Variants in VPS13B observed in about 807,000 individuals in gnomAD.
The protein encoded by VPS13B is vacuolar protein sorting 13 homolog B, also known as intermembrane lipid transfer protein VPS13B.
A neutral mutation model predicts 426.4 loss-of-function variants in VPS13B; 285 were observed. The observed-to-expected ratio is 0.67, with a 90% confidence interval of 0.61 to 0.74. VPS13B has a LOEUF of 0.74. Ranked by LOEUF, VPS13B falls within the 30% of genes least tolerant of loss-of-function variation. The pLI is 0.00. For missense variants in VPS13B, 4,537 were observed against 4,782.6 expected (o/e 0.95, Z 1.51); for synonymous variants, 1,676 against 1,676.4 (o/e 1.00, Z 0.01).
At chr8:99,383,095 A>G (rs1813911962) in intron 19 of VPS13B, among the ~76,000 whole-genome samples, 1 of 152,218 alleles carries the variant, frequency 6.6e-6, no homozygotes, top group Non-Finnish European at 1.5e-5. Flanking sequence ...CCGCACATAA[A>G]TTGAGAATTG....
chr8:99,190,557 C>T (rs529154804), intron 16 of VPS13B, among the ~76,000 whole-genome samples: 1 of 152,162 alleles, frequency 6.6e-6, no homozygotes, highest in South Asian at 2.1e-4. Flanking sequence ...ACTCTGTCTA[C>T]ACTATTGCCT....
intron 28 of VPS13B, chr8:99,507,898 G>C: frequency 1.2e-6 from 2 of 1,613,958 alleles, no homozygotes; most frequent in Non-Finnish European, 1.7e-6. Flanking sequence ...AATTGCTCTG[G>C]CTTCTTTCCT....
chr8:99,706,371 T>C (rs1454508667), intron 36 of VPS13B, among the ~76,000 whole-genome samples: 1 of 152,216 alleles, frequency 6.6e-6, no homozygotes, highest in East Asian at 1.9e-4. Context: ...TACCGTGTGT[T>C]ACACATCCCT....
intron 34 of VPS13B, among the ~76,000 whole-genome samples, chr8:99,651,214 CA>C (rs1197969787): frequency 6.6e-6 from 1 of 151,994 alleles, no homozygotes; most frequent in Non-Finnish European, 1.5e-5. Flanking sequence ...ATCTGTTTTA[CA>C]AAGCTAAAGC....
chr8:99,241,027 C>T (rs1816908126), intron 17 of VPS13B: 1 of 152,188 alleles, frequency 6.6e-6, no homozygotes, highest in Admixed American at 6.5e-5. Flanking sequence ...GGCAGTGCTG[C>T]AAATAAGGAA....
chr8:99,076,251 G>T (rs927894178), intron 3 of VPS13B, among the ~76,000 whole-genome samples: 4 of 152,138 alleles, frequency 2.6e-5, no homozygotes, highest in Non-Finnish European at 5.9e-5. Flanking sequence ...TTAAAAATTT[G>T]CTGAGACTTA....
chr8:99,723,514 T>C (rs1833211666), intron 39 of VPS13B, among the ~76,000 whole-genome samples: 1 of 152,108 alleles, frequency 6.6e-6, no homozygotes, highest in South Asian at 2.1e-4. Flanking sequence ...ACACTTCTGG[T>C]CCCTAGCATT....
intron 19 of VPS13B, among the ~76,000 whole-genome samples, chr8:99,311,892 T>G (rs1027514797): frequency 6.6e-6 from 1 of 152,228 alleles, no homozygotes; most frequent in African/African-American, 2.4e-5. Flanking sequence ...AGTTTGCTCT[T>G]CTTGTTGAAT....
intron 43 of VPS13B, among the ~76,000 whole-genome samples, chr8:99,808,810 A>C (rs919161885): frequency 5.5e-5 from 8 of 146,164 alleles, no homozygotes; most frequent in African/African-American, 1.9e-4. Context: ...AAAAAAAAAG[A>C]ACAAATACAT....
At position 99,819,401 on chromosome 8, in the gene VPS13B, C is replaced by G; in HGVS notation, c.8622-11C>G. 1 of 1,613,182 alleles carries G rather than the reference C, an allele frequency of 6.2e-7. No homozygotes were observed. The highest frequency in any genetic ancestry group is 8.5e-7 in the Non-Finnish European group (1 of 1,179,396). On this transcript the variant is annotated splice_polypyrimidine_tract_variant and intron_variant, in intron 47 of 61. Transcript: ENST00000357162. ...TGATAATTATTCTTGGTTTTTATTT[C>G]AATTTCCTAGAGAAGAATATGATCC...
At chr8:99,696,486 T>A in intron 35 of VPS13B, 2 of 407,948 alleles carry the variant, frequency 4.9e-6, no homozygotes, top group South Asian at 4.2e-5. Context: ...CCTCCTCCGC[T>A]TGGTGCCGTT....
intron 8 of VPS13B, among the ~76,000 whole-genome samples, chr8:99,126,407 A>G (rs964000120): frequency 1.3e-5 from 2 of 152,200 alleles, no homozygotes; most frequent in African/African-American, 2.4e-5. Flanking sequence ...ATTTGAAGAT[A>G]TACCAGTCAT....
intron 51 of VPS13B, among the ~76,000 whole-genome samples, chr8:99,825,683 CT>C (rs1280610816): frequency 6.6e-6 from 1 of 152,132 alleles, no homozygotes; most frequent in East Asian, 1.9e-4. Context: ...AGGTTTTCTT[CT>C]AGGCTTTTTA....
chr8:99,030,772 T>C (rs1222898161), intron 2 of VPS13B, among the ~76,000 whole-genome samples: 1 of 152,234 alleles, frequency 6.6e-6, no homozygotes. Context: ...ATTTATTTCA[T>C]GATTTCATTC....
intron 39 of VPS13B, among the ~76,000 whole-genome samples, chr8:99,765,586 T>C (rs1163241537): frequency 1.3e-5 from 2 of 152,364 alleles, no homozygotes; most frequent in Admixed American, 6.5e-5. Context: ...CATCATGTTT[T>C]CATTGGTTCC....
At position 99,108,072 on chromosome 8, in the gene VPS13B, C is replaced by T. The variant is rs898383062; in HGVS notation, c.581-3026C>T. Among the ~76,000 whole-genome samples the T allele has an allele frequency of 7.9e-5, 12 of 152,292 alleles. No homozygotes were observed. In the East Asian group the frequency reaches 2.1e-3, roughly 27 times the overall value. On this transcript the variant is annotated intron_variant, in intron 5 of 61. Coordinates refer to ENST00000357162, the MANE Select transcript of VPS13B (RefSeq NM_152564.5). Reference sequence around the variant, plus strand: ...GTCCATGTATACTCAGTGCTTAGCTCCCACTTATAATTGAGAACATGCAGT... The same window carrying T: ...GTCCATGTATACTCAGTGCTTAGCTTCCACTTATAATTGAGAACATGCAGT...
chr8:99,293,387 C>T (rs1361049991), intron 19 of VPS13B, among the ~76,000 whole-genome samples: 1 of 103,720 alleles, frequency 9.6e-6, no homozygotes, highest in African/African-American at 3.8e-5. Flanking sequence ...ATACAAAAAT[C>T]AATTCAAGAT....
At chr8:99,515,197 T>C (rs914870857) in intron 29 of VPS13B, among the ~76,000 whole-genome samples, 1 of 152,182 alleles carries the variant, frequency 6.6e-6, no homozygotes, top group African/African-American at 2.4e-5. Context: ...TGGGGCTTTT[T>C]TAGTTTGTTT....
chr8:99,699,262 G>A (rs1446166123), intron 35 of VPS13B, among the ~76,000 whole-genome samples: 1 of 151,122 alleles, frequency 6.6e-6, no homozygotes, highest in Non-Finnish European at 1.5e-5. Flanking sequence ...TCCTTGTGTG[G>A]CCCTCGATGT....
Sources: allele counts gnomAD v4.1 joint callset (sites outside exome capture counted in the v4.1 genomes callset), GRCh38; gene constraint gnomAD v4.1.1; transcripts MANE v1.5; gene names NCBI Gene and HGNC (gene_info 2026-07-23, HGNC 2026-07-21).